The following C6 variants were observed in gnomAD, a reference collection of about 807,000 sequenced individuals.
C6 encodes complement C6.
Under a neutral mutation model 112.9 loss-of-function variants are expected in C6, and 101 were observed. That is an observed-to-expected ratio of 0.89 (90% CI 0.76 to 1.06). C6 has a LOEUF of 1.06. Ranked by LOEUF, C6 falls within the 50% of genes least tolerant of loss-of-function variation. The pLI, the probability that C6 is intolerant of heterozygous loss-of-function variation, is 0.00. For missense variants in C6, 1,202 were observed against 1,104.6 expected (o/e 1.09, Z -1.25); for synonymous variants, 431 against 384.1 (o/e 1.12, Z -1.43).
In C6 at chr5:41,181,464, C is replaced by A. The variant is rs150318194; in HGVS notation, c.822G>T (p.Gln274His). Residue 274 changes from glutamine (Q) to histidine (H), a missense_variant, in exon 7 of 18, where the codon CAG becomes CAT. Gln to His is a conservative substitution (Grantham distance 24). Coordinates refer to ENST00000337836, the MANE Select transcript of C6 (RefSeq NM_000065.5). ...NENQQGSFSS[Q>H]GGSSFSVPIF... ...TTGGTACACTGAAAGAGCTCCCCCC[C>A]TGACTTGAGAATGAGCCTTGTTGAT... The A allele has an allele frequency of 9.9e-6, 16 of 1,613,676 alleles. No homozygotes were observed. The African/African-American group carries it at 2.0e-4, about 20-fold the overall frequency.
intron 1 of C6, among the ~76,000 whole-genome samples, chr5:41,239,383 G>A (rs1300190854): frequency 1.3e-5 from 2 of 151,884 alleles, no homozygotes; most frequent in Non-Finnish European, 2.9e-5. Context: ...AAGTGCTGGG[G>A]TTACAGGGGT....
At chr5:41,244,706 G>A (rs958320556) in intron 1 of C6, among the ~76,000 whole-genome samples, 3 of 131,952 alleles carry the variant, frequency 2.3e-5, no homozygotes, top group Non-Finnish European at 5.0e-5. Flanking sequence ...GGTATTAAAA[G>A]TCAAACACAT....
rs376734087 is a variant in C6, at chr5:41,211,223, ACC to A, written c.-21+2151_-21+2152del. 7.9e-5 allele frequency among the ~76,000 whole-genome samples: 12 copies of A among 151,584 alleles called. No individual in the cohort carries two copies. The East Asian group carries it at 2.2e-3, about 27-fold the overall frequency. On this transcript the variant is annotated intron_variant, in intron 1 of 17. Coordinates refer to ENST00000337836, the MANE Select transcript of C6 (RefSeq NM_000065.5). ...GGACACAGGGTGGTGAACATCATACACCGGGGCCTGTAGTGGGGTGGGGGTAG... is the reference window on the plus strand; with the variant it reads ...GGACACAGGGTGGTGAACATCATACAGGGGCCTGTAGTGGGGTGGGGGTAG...
intron 9 of C6, among the ~76,000 whole-genome samples, chr5:41,167,703 G>A (rs1489102807): frequency 6.6e-6 from 1 of 152,164 alleles, no homozygotes; most frequent in African/African-American, 2.4e-5. Flanking sequence ...GAGGCACAAA[G>A]AGGGATAAGA....
rs751053379 is a variant in C6 at position 41,186,092 on chromosome 5, T to A, written c.704A>T (p.Asn235Ile). The change falls in exon 6 of 18, where the codon AAT becomes ATT. Residue 235 changes from asparagine to isoleucine, a missense_variant. Physicochemically the swap from Asn to Ile is moderately radical, Grantham distance 149. Coordinates refer to ENST00000337836, the MANE Select transcript of C6 (RefSeq NM_000065.5). ...TACCTCAAAGCCGACATTTTCCAGA[T>A]TGGCCGGAACACGGTATGGATTACT... ...RTSNPYRVPA[N>I]LENVGFEVQT... The A allele has an allele frequency of 2.5e-6, 4 of 1,614,016 alleles. 1 individual carries two copies. In the South Asian group the frequency reaches 4.4e-5, roughly 18 times the overall value.
intron 5 of C6, among the ~76,000 whole-genome samples, chr5:41,194,679 C>A (rs1050780001): frequency 6.6e-6 from 1 of 152,076 alleles, no homozygotes; most frequent in African/African-American, 2.4e-5. Flanking sequence ...AGAGGGGTTT[C>A]TTTATTATGT....
rs143839537 is a variant in C6, at chr5:41,176,523, C to T, written c.1120G>A (p.Val374Met). ...CTAAACTGATAGAGAAGGTCATACA[C>T]GCCTCCCAGGGAGCCAGAGGTGAAG... is the stretch of plus-strand genomic sequence containing the variant. ...HYFTSGSLGG[V>M]YDLLYQFSSE... Residue 374 changes from valine (V) to methionine (M), a missense_variant, in exon 8 of 18, where the codon GTG (valine) becomes ATG (methionine). By Grantham distance (21) the Val-to-Met change is conservative (BLOSUM62 1). Transcript: ENST00000337836. 4.0e-5 allele frequency: 65 copies of T among 1,613,582 alleles called. No homozygotes were observed. The highest frequency in any genetic ancestry group is 5.5e-5 in the South Asian group (5 of 91,082).
At chr5:41,173,573 G>A (rs1046847003) in intron 8 of C6, among the ~76,000 whole-genome samples, 1 of 152,152 alleles carries the variant, frequency 6.6e-6, no homozygotes, top group African/African-American at 2.4e-5. Context: ...ATGAGAGGTA[G>A]AGCTGTTAAT....
At chr5:41,243,529 T>A (rs1367996939) in intron 1 of C6, among the ~76,000 whole-genome samples, 2 of 152,222 alleles carry the variant, frequency 1.3e-5, no homozygotes, top group South Asian at 2.1e-4. Flanking sequence ...ACATTTTTTT[T>A]AAAGTTCTTT....
intron 9 of C6, among the ~76,000 whole-genome samples, chr5:41,167,975 C>G (rs916012192): frequency 4.6e-5 from 7 of 152,060 alleles, no homozygotes; most frequent in African/African-American, 1.7e-4. Context: ...AAAAATTTAC[C>G]TTATTCCTGC....
intron 1 of C6, among the ~76,000 whole-genome samples, chr5:41,209,821 C>G (rs573004225): frequency 6.6e-6 from 1 of 152,184 alleles, no homozygotes; most frequent in African/African-American, 2.4e-5. Context: ...AATGCCATCC[C>G]CATCAAGCTA....
At chr5:41,194,950 G>A (rs925391576) in intron 5 of C6, among the ~76,000 whole-genome samples, 1 of 152,208 alleles carries the variant, frequency 6.6e-6, no homozygotes, top group East Asian at 1.9e-4. Context: ...GGTAGATGTA[G>A]TCCTGAATCA....
Position 41,143,024 on chromosome 5 carries a change from G to C in C6, c.2624-18C>G. 2 of 1,609,704 alleles carry C rather than the reference G, an allele frequency of 1.2e-6. No individual in the cohort carries two copies. The highest frequency in any genetic ancestry group is 1.7e-6 in the Non-Finnish European group (2 of 1,176,400). On this transcript the variant is annotated intron_variant, in intron 17 of 17. Transcript: ENST00000337836. ...AGTGGAGGCTGTAATGAGAGAGAGA[G>C]AGACAGTGTGACTTACCACAGTACA...
intron 1 of C6, among the ~76,000 whole-genome samples, chr5:41,205,978 G>A (rs375102752): frequency 5.9e-5 from 9 of 152,296 alleles, no homozygotes; most frequent in East Asian, 5.8e-4. Context: ...AGTACGGGCC[G>A]ACTGACACCT....
intron 1 of C6, among the ~76,000 whole-genome samples, chr5:41,223,004 C>G (rs1026746176): frequency 6.6e-6 from 1 of 152,184 alleles, no homozygotes; most frequent in African/African-American, 2.4e-5. Context: ...TCTGGAATTT[C>G]TATTGTAAAT....
intron 15 of C6, among the ~76,000 whole-genome samples, chr5:41,150,467 C>T (rs1183739864): frequency 3.3e-5 from 5 of 152,002 alleles, no homozygotes; most frequent in African/African-American, 1.2e-4. Flanking sequence ...GAATTGTTGC[C>T]TTTCTTAGGG....
At chr5:41,254,539 A>T (rs1741564397) in intron 1 of C6, among the ~76,000 whole-genome samples, 1 of 152,230 alleles carries the variant, frequency 6.6e-6, no homozygotes, top group African/African-American at 2.4e-5. Context: ...TATAGATTAT[A>T]TCACCAGCCT....
chr5:41,257,225 C>T (rs941942143), intron 1 of C6, among the ~76,000 whole-genome samples: 2 of 152,000 alleles, frequency 1.3e-5, no homozygotes, highest in African/African-American at 2.4e-5. Flanking sequence ...TCTTTGTGTC[C>T]ACGTGTAAGC....
intron 13 of C6, 130 bp from the exon 14 acceptor site, chr5:41,155,234 CT>C: frequency 1.2e-6 from 1 of 806,300 alleles, no homozygotes; most frequent in South Asian, 1.7e-5. Flanking sequence ...TCAATTTCTA[CT>C]TCTAAAAACC....
Sources: gnomAD v4.1 joint callset for allele counts (sites outside exome capture counted in the v4.1 genomes callset) on GRCh38, gnomAD v4.1.1 for gene constraint, MANE v1.5 for transcripts, NCBI Gene and HGNC (gene_info 2026-07-23, HGNC 2026-07-21) for gene names.